The following ERICH1 variants were observed in gnomAD, a reference collection of about 807,000 sequenced individuals.
The protein encoded by ERICH1 is glutamate rich 1, also known as glutamate-rich protein 1.
In ERICH1, 56 loss-of-function variants were observed where a neutral mutation model predicts 39.6. The observed-to-expected ratio is 1.41, with a 90% CI of 1.14 to 1.77. The LOEUF (loss-of-function observed/expected upper bound fraction) is 1.77. ERICH1 is among the 40% of genes most tolerant of loss of function. The probability of loss-of-function intolerance (pLI) is 0.00; values close to 1 mark genes in which losing one functional copy is unlikely to be tolerated. For missense variants in ERICH1, 826 were observed against 575.4 expected, an observed-to-expected ratio of 1.44 and a Z score of -4.45; for synonymous variants, 313 against 223.6, an observed-to-expected ratio of 1.40 and a Z score of -3.57.
At chr8:713,984 T>C (rs1815363322) in intron 2 of ERICH1, among the ~76,000 whole-genome samples, 1 of 148,448 alleles carries the variant, frequency 6.7e-6, no homozygotes, top group African/African-American at 2.5e-5. Context: ...CTCAGTGGGA[T>C]GTGCTGCACC....
At chr8:707,668 A>G (rs572067788) in intron 2 of ERICH1, among the ~76,000 whole-genome samples, 10 of 152,374 alleles carry the variant, frequency 6.6e-5, no homozygotes, top group African/African-American at 2.2e-4. Flanking sequence ...GGACCTACAC[A>G]TAAGTGCTAA....
intron 3 of ERICH1, among the ~76,000 whole-genome samples, chr8:643,271 G>A (rs1289832285): frequency 2.0e-5 from 3 of 151,984 alleles, no homozygotes; most frequent in African/African-American, 7.3e-5. Context: ...AGCAGGGACG[G>A]GAAGCTGGCC....
Position 673,528 on chromosome 8 carries a change from A to T in ERICH1, c.824T>A (p.Val275Glu), listed in dbSNP as rs762087184. Residue 275 changes from valine to glutamate, a missense_variant, in exon 4 of 6, where the codon GTG becomes GAG. Val to Glu is a moderately radical substitution (Grantham distance 121, BLOSUM62 -2). Coordinates refer to ENST00000262109, the MANE Select transcript of ERICH1 (RefSeq NM_207332.3). Reference sequence around the variant, plus strand: ...TGTCAGGTCTTCCTCAATGGTGTCCACACCGTCCTCCTCCCTGGCGTCTTT... The same window carrying T: ...TGTCAGGTCTTCCTCAATGGTGTCCTCACCGTCCTCCTCCCTGGCGTCTTT... ...DVKDAREEDG[V>E]DTIEEDLTRA... is the part of the protein sequence containing the mutation. 19 of 1,607,614 alleles carry T rather than the reference A, an allele frequency of 1.2e-5. No individual in the cohort carries two copies. In the East Asian group the frequency reaches 3.6e-4, roughly 30 times the overall value.
chr8:728,147 A>G (rs1819215959), intron 1 of ERICH1, among the ~76,000 whole-genome samples: 1 of 152,196 alleles, frequency 6.6e-6, no homozygotes, highest in Non-Finnish European at 1.5e-5. Flanking sequence ...CCTGAAGCAC[A>G]CATGGAGTCA....
At chr8:715,795 G>T in intron 2 of ERICH1, 66 bp downstream of exon 2, 1 of 1,551,312 alleles carries the variant, frequency 6.4e-7, no homozygotes. Context: ...ATTCTCCAAG[G>T]CAAGTGATGA....
intron 2 of ERICH1, among the ~76,000 whole-genome samples, chr8:695,466 A>T (rs1429044559): frequency 6.6e-6 from 1 of 151,992 alleles, no homozygotes; most frequent in African/African-American, 2.4e-5. Context: ...CCTCTGAGAG[A>T]GCACAGCAGC....
intron 2 of ERICH1, among the ~76,000 whole-genome samples, chr8:697,660 C>A (rs1418673591): frequency 6.6e-6 from 1 of 152,146 alleles, no homozygotes; most frequent in Non-Finnish European, 1.5e-5. Context: ...CTCTGCCCAC[C>A]CCGCACAGTC....
At chr8:657,126 A>C (rs1413330117) in intron 3 of ERICH1, among the ~76,000 whole-genome samples, 1 of 152,226 alleles carries the variant, frequency 6.6e-6, no homozygotes, top group African/African-American at 2.4e-5. Flanking sequence ...TGGAATATGA[A>C]ACTGTAACAA....
intron 3 of ERICH1, among the ~76,000 whole-genome samples, chr8:618,708 C>G (rs1797091938): frequency 6.6e-6 from 1 of 152,162 alleles, no homozygotes; most frequent in Non-Finnish European, 1.5e-5. Flanking sequence ...GAACAGCACG[C>G]AATGGATACT....
At chr8:678,272 G>C (rs1805315290) in intron 3 of ERICH1, among the ~76,000 whole-genome samples, 1 of 152,180 alleles carries the variant, frequency 6.6e-6, no homozygotes, top group Admixed American at 6.5e-5. Context: ...TCTAGTTTAA[G>C]AGAGGAGGCT....
rs761409952 is a variant in ERICH1 at position 668,691 on chromosome 8, G to C, written c.1165C>G (p.Leu389Val). The C allele has an allele frequency of 1.4e-5, 23 of 1,614,014 alleles. No individual in the cohort carries two copies. Among genetic ancestry groups the C allele is most frequent in the East Asian group, 2.2e-5 (1 of 44,896 alleles). The change falls in exon 5 of 6, where the codon CTG (leucine) becomes GTG (valine). Residue 389 changes from leucine to valine, a missense_variant. Leu to Val is a conservative substitution (Grantham distance 32). Coordinates refer to ENST00000262109, the MANE Select transcript of ERICH1 (RefSeq NM_207332.3). ...HSMLPSDVSI[L>V]YHMKTLLLLQ... is the part of the protein sequence containing the mutation. ...AGCAGCAGCGTTTTCATGTGGTACA[G>C]GATGGACACGTCTGAGGGCAGCATG...
At chr8:618,081 T>C (rs554787344) in intron 3 of ERICH1, among the ~76,000 whole-genome samples, 8 of 150,918 alleles carry the variant, frequency 5.3e-5, no homozygotes, top group South Asian at 2.1e-4. Context: ...CTCTGAGTGA[T>C]TGGTGCTCAG....
At chr8:644,005 G>A (rs915872446) in intron 3 of ERICH1, among the ~76,000 whole-genome samples, 1 of 152,228 alleles carries the variant, frequency 6.6e-6, no homozygotes, top group Non-Finnish European at 1.5e-5. Flanking sequence ...GCAGGAGCAG[G>A]AGTCCTGTGG....
chr8:644,114 C>G (rs1799329559), intron 3 of ERICH1, among the ~76,000 whole-genome samples: 1 of 152,238 alleles, frequency 6.6e-6, no homozygotes, highest in Non-Finnish European at 1.5e-5. Context: ...GTCTTGGCCG[C>G]ATGGGGCCAC....
chr8:654,805 G>A (rs1800410427), intron 3 of ERICH1, among the ~76,000 whole-genome samples: 1 of 152,154 alleles, frequency 6.6e-6, no homozygotes, highest in Non-Finnish European at 1.5e-5. Context: ...CATGGTGGCA[G>A]TGCAGGTAGA....
intron 5 of ERICH1, 81 bp from the exon 6 acceptor site, chr8:664,757 C>A (rs1288160120): frequency 1.7e-5 from 20 of 1,172,230 alleles, no homozygotes; most frequent in African/African-American, 7.7e-5. Context: ...TAGACACGAG[C>A]CTTTGGGCCC....
At chr8:635,178 G>A (rs926357090) in intron 3 of ERICH1, among the ~76,000 whole-genome samples, 2 of 152,046 alleles carry the variant, frequency 1.3e-5, no homozygotes, top group African/African-American at 4.8e-5. Context: ...GGTGACCTCT[G>A]TTCAGGAAAC....
intron 3 of ERICH1, chr8:626,798 A>G (rs1770767170): frequency 4.6e-6 from 1 of 215,562 alleles, no homozygotes. Flanking sequence ...TTTGTTTTTT[A>G]TATTTGCTGA....
At chr8:637,048 G>C (rs1168092297) in intron 3 of ERICH1, among the ~76,000 whole-genome samples, 1 of 152,260 alleles carries the variant, frequency 6.6e-6, no homozygotes, top group African/African-American at 2.4e-5. Flanking sequence ...CACCAAGCCT[G>C]TTCCTTGTGC....
Sources: gnomAD v4.1 joint callset for allele counts (sites outside exome capture counted in the v4.1 genomes callset) on GRCh38, gnomAD v4.1.1 for gene constraint, MANE v1.5 for transcripts, NCBI Gene and HGNC (gene_info 2026-07-23, HGNC 2026-07-21) for gene names.